Variants in AFF3 observed in about 807,000 individuals in gnomAD.
The protein encoded by AFF3 is AF4/FMR2 family member 3.
AFF3 carries 32 observed loss-of-function variants against 129.7 expected under a neutral mutation model. The observed-to-expected ratio is 0.25, with a 90% confidence interval of 0.19 to 0.33. AFF3 has a LOEUF of 0.33. Among genes scored for constraint, AFF3 ranks in the 10% least tolerant of loss-of-function variants. AFF3 has a pLI of 1.00. For synonymous variants in AFF3, 644 were observed against 635.4 expected (o/e 1.01, Z -0.20); for missense variants, 1,373 against 1,592.0 (o/e 0.86, Z 2.34).
intron 7 of AFF3, among the ~76,000 whole-genome samples, chr2:99,913,251 T>C (rs189332345): frequency 1.1e-3 from 170 of 152,336 alleles, no homozygotes; most frequent in Middle Eastern, 0.01. Context: ...ATTTTCACAA[T>C]GTTAGCAATT....
At chr2:99,831,950 C>T (rs944940400) in intron 8 of AFF3, among the ~76,000 whole-genome samples, 1 of 152,228 alleles carries the variant, frequency 6.6e-6, no homozygotes, top group African/African-American at 2.4e-5. Flanking sequence ...CCTCCTGTAA[C>T]TCACTAATCC....
intron 7 of AFF3, among the ~76,000 whole-genome samples, chr2:99,873,105 C>T (rs1692006874): frequency 6.6e-6 from 1 of 152,292 alleles, no homozygotes; most frequent in East Asian, 1.9e-4. Flanking sequence ...GACAACCATC[C>T]TACCTGAACA....
intron 13 of AFF3, among the ~76,000 whole-genome samples, chr2:99,619,916 A>C (rs1338529739): frequency 6.6e-6 from 1 of 152,178 alleles, no homozygotes; most frequent in Non-Finnish European, 1.5e-5. Context: ...AGGCCAATTA[A>C]CAGTCACCCC....
intron 8 of AFF3, among the ~76,000 whole-genome samples, chr2:99,835,631 G>C (rs933094682): frequency 6.6e-6 from 1 of 152,060 alleles, no homozygotes; most frequent in Admixed American, 6.5e-5. Flanking sequence ...CTCAACTAGC[G>C]CCACCATCAT....
At chr2:99,932,330 T>C (rs558071166) in intron 7 of AFF3, among the ~76,000 whole-genome samples, 7 of 152,300 alleles carry the variant, frequency 4.6e-5, no homozygotes, top group Admixed American at 2.0e-4. Context: ...CTGGTATAGA[T>C]GGTGTGGCTC....
In AFF3 at chr2:100,007,317, G is replaced by T. The variant is rs759275024; in HGVS notation, c.318C>A (p.Asn106Lys). The T allele has an allele frequency of 6.2e-7, 1 of 1,614,148 alleles. No individual in the cohort carries two copies. The highest frequency in any genetic ancestry group is 8.5e-7 in the Non-Finnish European group (1 of 1,180,028). Residue 106 changes from asparagine (N) to lysine (K), a missense_variant, in exon 6 of 25, where the codon AAC (asparagine) becomes AAA (lysine). Transcript: ENST00000672756. ...PKPGVPQTPV[N>K]KIDEHFVADS... ...CTGCAACAAAATGTTCATCGATCTTGTTCACAGGAGTCTGAGGAACCCCAG... is the reference window on the plus strand; with the variant it reads ...CTGCAACAAAATGTTCATCGATCTTTTTCACAGGAGTCTGAGGAACCCCAG...
At chr2:99,576,074 C>A (rs1676960130) in intron 18 of AFF3, among the ~76,000 whole-genome samples, 1 of 150,834 alleles carries the variant, frequency 6.6e-6, no homozygotes, top group Admixed American at 6.6e-5. Context: ...CTCGCTGTTG[C>A]CCAGGCTGAA....
chr2:99,760,463 G>T (rs1024158559), intron 8 of AFF3, among the ~76,000 whole-genome samples: 7 of 152,144 alleles, frequency 4.6e-5, no homozygotes, highest in Admixed American at 4.6e-4. Context: ...CTCATTTCTG[G>T]TAATGATTTA....
chr2:99,798,987 A>G (rs555842649), intron 8 of AFF3, among the ~76,000 whole-genome samples: 1 of 152,172 alleles, frequency 6.6e-6, no homozygotes, highest in East Asian at 1.9e-4. Flanking sequence ...CTACAGAAAA[A>G]GCTACTAAAA....
At chr2:99,726,922 G>A (rs912174747) in intron 11 of AFF3, among the ~76,000 whole-genome samples, 155 bp downstream of exon 11, 1 of 152,206 alleles carries the variant, frequency 6.6e-6, no homozygotes, top group Non-Finnish European at 1.5e-5. Context: ...AAATGCATCT[G>A]CACCCAAAGC....
chr2:99,574,736 T>TAA (rs1360394943), intron 18 of AFF3, among the ~76,000 whole-genome samples: 1 of 152,272 alleles, frequency 6.6e-6, no homozygotes, highest in African/African-American at 2.4e-5. Context: ...CTTTAAAAAT[T>TAA]AAATGACAGT....
chr2:99,676,700 CAG>C (rs1397259974), intron 11 of AFF3, among the ~76,000 whole-genome samples: 2 of 152,142 alleles, frequency 1.3e-5, no homozygotes, highest in African/African-American at 4.8e-5. Flanking sequence ...TGCCTTAAAA[CAG>C]GGCCATTTGC....
intron 13 of AFF3, among the ~76,000 whole-genome samples, chr2:99,608,314 C>T (rs1482715851): frequency 1.3e-5 from 2 of 152,142 alleles, no homozygotes; most frequent in Admixed American, 1.3e-4. Flanking sequence ...AAAGGTTTTC[C>T]CAGCTCCCCT....
chr2:99,847,370 T>G (rs969088853), intron 7 of AFF3, among the ~76,000 whole-genome samples: 1 of 151,954 alleles, frequency 6.6e-6, no homozygotes, highest in Non-Finnish European at 1.5e-5. Flanking sequence ...GAAACGGGGT[T>G]TCGCCATGTT....
intron 11 of AFF3, among the ~76,000 whole-genome samples, chr2:99,713,794 G>C (rs988788881): frequency 6.6e-6 from 1 of 151,632 alleles, no homozygotes; most frequent in Non-Finnish European, 1.5e-5. Flanking sequence ...TACCTCCCAG[G>C]TTCAAGCAAT....
At position 99,782,510 on chromosome 2, in the gene AFF3, C is replaced by T. The variant is rs143391786; in HGVS notation, c.922-30209G>A. On this transcript the variant is annotated intron_variant, in intron 8 of 24. Transcript: ENST00000672756. ...GCCATAGTCCTGCAAAGCTTTTCCG[C>T]GGCAATCCATCTGAAACTGCTCCTG... is the stretch of plus-strand genomic sequence containing the variant. Among the ~76,000 whole-genome samples the T allele has an allele frequency of 4.0e-3, 611 of 152,316 alleles. 1 individual carries two copies. The highest frequency in any genetic ancestry group is 5.6e-3 in the Non-Finnish European group (384 of 68,032).
intron 10 of AFF3, among the ~76,000 whole-genome samples, chr2:99,735,192 T>A (rs1371186421): frequency 6.6e-6 from 1 of 152,182 alleles, no homozygotes; most frequent in Admixed American, 6.5e-5. Context: ...ACATAACATA[T>A]TTTTGTTCTT....
intron 4 of AFF3, among the ~76,000 whole-genome samples, chr2:100,012,639 C>T (rs936305793): frequency 2.0e-5 from 3 of 152,226 alleles, no homozygotes; most frequent in African/African-American, 7.2e-5. Flanking sequence ...TTCTCTTCAT[C>T]TCTTGCCATG....
intron 9 of AFF3, among the ~76,000 whole-genome samples, chr2:99,747,825 C>T (rs1481788109): frequency 2.0e-5 from 3 of 152,066 alleles, no homozygotes; most frequent in African/African-American, 7.2e-5. Context: ...CTGATGTTTT[C>T]TTGGTGGTAC....
Sources: allele counts gnomAD v4.1 joint callset (sites outside exome capture counted in the v4.1 genomes callset), GRCh38; gene constraint gnomAD v4.1.1; transcripts MANE v1.5; gene names NCBI Gene and HGNC (gene_info 2026-07-23, HGNC 2026-07-21).